The following CADM2 variants were observed in gnomAD, a reference collection of about 807,000 sequenced individuals.
CADM2 encodes the protein cell adhesion molecule 2.
CADM2 carries 12 observed loss-of-function variants against 49.8 expected under a neutral mutation model. The ratio of observed to expected loss-of-function variants is 0.24; its 90% confidence interval spans 0.15 to 0.39. CADM2 has a LOEUF of 0.39. Ranked by LOEUF, CADM2 falls within the 10% of genes least tolerant of loss-of-function variation. The pLI, the probability that CADM2 is intolerant of heterozygous loss-of-function variation, is 1.00. For synonymous variants in CADM2, 214 were observed against 175.4 expected (o/e 1.22, Z -1.74); for missense variants, 378 against 492.3 (o/e 0.77, Z 2.20).
At chr3:85,489,028 A>G (rs2039551403) in intron 1 of CADM2, among the ~76,000 whole-genome samples, 1 of 152,098 alleles carries the variant, frequency 6.6e-6, no homozygotes, top group Non-Finnish European at 1.5e-5. Flanking sequence ...CCTGGGTAAT[A>G]TCTTAAGAAT....
chr3:85,538,835 G>C (rs374085443), intron 1 of CADM2, among the ~76,000 whole-genome samples: 1 of 152,104 alleles, frequency 6.6e-6, no homozygotes. Flanking sequence ...ATACAGGAAA[G>C]AGTGCCTAAT....
intron 6 of CADM2, among the ~76,000 whole-genome samples, chr3:85,929,854 A>G (rs1214237908): frequency 1.3e-5 from 2 of 152,044 alleles, no homozygotes; most frequent in Admixed American, 6.5e-5. Flanking sequence ...TTAGGATAAC[A>G]TTGCTTAATC....
chr3:84,983,412 T>TA (rs1239464414), intron 1 of CADM2, among the ~76,000 whole-genome samples: 1 of 152,012 alleles, frequency 6.6e-6, no homozygotes, highest in East Asian at 1.9e-4. Flanking sequence ...TGTAGTAGTT[T>TA]GGAATTTGAC....
rs113622647 is a variant in CADM2 at position 85,368,144 on chromosome 3, G to A, written c.62-358378G>A. ...CCAAGGCTATTATTAATTGAATTTT[G>A]TGTTTGACCAGAGCCCTTGAATACT... On this transcript the variant is annotated intron_variant, in intron 1 of 9. Coordinates refer to ENST00000383699, the MANE Select transcript of CADM2 (RefSeq NM_001167675.2). Among the ~76,000 whole-genome samples, 265 of 151,968 alleles carry A rather than the reference G, an allele frequency of 1.7e-3. 1 individual carries two copies. Among genetic ancestry groups the A allele is most frequent in the African/African-American group, 5.9e-3 (244 of 41,466 alleles).
At chr3:85,428,755 T>C (rs1489043588) in intron 1 of CADM2, among the ~76,000 whole-genome samples, 1 of 150,074 alleles carries the variant, frequency 6.7e-6, no homozygotes, top group East Asian at 1.9e-4. Flanking sequence ...TATGTAAAAT[T>C]AATTGAAAGG....
chr3:85,361,902 T>C (rs1392802961), intron 1 of CADM2, among the ~76,000 whole-genome samples: 2 of 152,180 alleles, frequency 1.3e-5, no homozygotes, highest in Non-Finnish European at 2.9e-5. Flanking sequence ...ACCACATGAC[T>C]TAAGGAAGCA....
chr3:85,642,951 C>G (rs2064766248), intron 1 of CADM2, among the ~76,000 whole-genome samples: 1 of 152,126 alleles, frequency 6.6e-6, no homozygotes, highest in African/African-American at 2.4e-5. Flanking sequence ...AATGTCTTCT[C>G]TTGTTGAATT....
chr3:85,335,624 G>T (rs542071515), intron 1 of CADM2, among the ~76,000 whole-genome samples: 1 of 150,844 alleles, frequency 6.6e-6, no homozygotes, highest in African/African-American at 2.4e-5. Context: ...ATATGTTATT[G>T]GTTTTTCTCT....
intron 1 of CADM2, among the ~76,000 whole-genome samples, chr3:85,643,115 A>G (rs1028772116): frequency 6.6e-6 from 1 of 152,142 alleles, no homozygotes; most frequent in Non-Finnish European, 1.5e-5. Context: ...ATTTCTTGGC[A>G]GATATTTCTT....
chr3:85,425,121 A>T (rs1341876049), intron 1 of CADM2, among the ~76,000 whole-genome samples: 1 of 152,214 alleles, frequency 6.6e-6, no homozygotes, highest in East Asian at 1.9e-4. Context: ...TTTACTCAAA[A>T]GAGTAGTTGG....
intron 8 of CADM2, among the ~76,000 whole-genome samples, chr3:86,017,355 T>G (rs1732408725): frequency 6.6e-6 from 1 of 151,926 alleles, no homozygotes; most frequent in African/African-American, 2.4e-5. Context: ...ACACAAGAGC[T>G]CAAAATTATT....
At chr3:85,672,019 A>G (rs1408149134) in intron 1 of CADM2, among the ~76,000 whole-genome samples, 5 of 152,146 alleles carry the variant, frequency 3.3e-5, no homozygotes, top group Admixed American at 6.5e-5. Context: ...AGGTCCTACT[A>G]TAGTATCTGT....
chr3:85,694,304 A>G (rs1180354180), intron 1 of CADM2, among the ~76,000 whole-genome samples: 3 of 152,244 alleles, frequency 2.0e-5, no homozygotes, highest in Non-Finnish European at 4.4e-5. Flanking sequence ...AAATGAAATC[A>G]TAAGGATGGG....
At chr3:85,325,271 T>C (rs531066185) in intron 1 of CADM2, among the ~76,000 whole-genome samples, 1 of 152,354 alleles carries the variant, frequency 6.6e-6, no homozygotes, top group Non-Finnish European at 1.5e-5. Flanking sequence ...ATGAACTTGA[T>C]AGTGTCAAAC....
At chr3:85,304,026 T>A (rs2044160064) in intron 1 of CADM2, among the ~76,000 whole-genome samples, 1 of 151,878 alleles carries the variant, frequency 6.6e-6, no homozygotes, top group Non-Finnish European at 1.5e-5. Flanking sequence ...CTTTTAAAAA[T>A]GGGCTATTGT....
At chr3:85,550,228 G>T (rs72615725) in intron 1 of CADM2, among the ~76,000 whole-genome samples, 44,957 of 151,942 alleles carry the variant, frequency 0.3, 7,869 homozygotes, top group East Asian at 0.55. Context: ...TTCTGGGGCT[G>T]AAAAGATGTG....
At chr3:85,604,957 T>C (rs1432336477) in intron 1 of CADM2, among the ~76,000 whole-genome samples, 7 of 152,006 alleles carry the variant, frequency 4.6e-5, no homozygotes, top group Non-Finnish European at 7.4e-5. Context: ...ATGCAAAGGT[T>C]TCATTTTGTG....
intron 2 of CADM2, among the ~76,000 whole-genome samples, chr3:85,797,100 A>G (rs952117673): frequency 5.9e-5 from 9 of 151,880 alleles, no homozygotes; most frequent in African/African-American, 2.2e-4. Context: ...TTAAAAAAAA[A>G]AAAAGAAAAA....
chr3:85,316,319 G>C (rs2044463412), intron 1 of CADM2, among the ~76,000 whole-genome samples: 1 of 152,046 alleles, frequency 6.6e-6, no homozygotes, highest in South Asian at 2.1e-4. Flanking sequence ...GTTATTCTTG[G>C]AATATATAAG....
Sources: allele counts gnomAD v4.1 joint callset (sites outside exome capture counted in the v4.1 genomes callset), GRCh38; gene constraint gnomAD v4.1.1; transcripts MANE v1.5; gene names NCBI Gene and HGNC (gene_info 2026-07-23, HGNC 2026-07-21).